The following SAMD11 variants were observed in gnomAD, a reference collection of about 807,000 sequenced individuals.
The protein encoded by SAMD11 is sterile alpha motif domain containing 11.
Under a neutral mutation model 64.4 loss-of-function variants are expected in SAMD11, and 77 were observed. That is an observed-to-expected ratio of 1.20 (90% confidence interval 0.99 to 1.44). SAMD11 has a LOEUF of 1.44. Among genes scored for constraint, SAMD11 ranks in the 40% most tolerant of loss-of-function variants. SAMD11 has a pLI of 0.00. For missense variants in SAMD11, 1,402 were observed against 943.3 expected (o/e 1.49, Z -6.37); for synonymous variants, 658 against 421.9 (o/e 1.56, Z -6.86).
chr1:926,938 G>A (rs1434198410), intron 2 of SAMD11, among the ~76,000 whole-genome samples: 1 of 152,166 alleles, frequency 6.6e-6, no homozygotes, highest in Non-Finnish European at 1.5e-5. Context: ...CCGCTTGCCT[G>A]CTTTGGGCCT....
intron 4 of SAMD11, among the ~76,000 whole-genome samples, chr1:931,501 G>A (rs115815685): frequency 1.3e-3 from 191 of 152,340 alleles, no homozygotes; most frequent in African/African-American, 4.3e-3. Context: ...GCCCTGAAGG[G>A]TGTGTAGGAG....
chr1:931,194 C>T, intron 4 of SAMD11, 105 bp downstream of exon 4: 1 of 1,045,352 alleles, frequency 9.6e-7, no homozygotes, highest in South Asian at 1.3e-5. Flanking sequence ...TCAGCGTGAG[C>T]TGATGCTGTG....
intron 2 of SAMD11, among the ~76,000 whole-genome samples, chr1:927,474 C>G (rs1167649429): frequency 6.6e-6 from 1 of 152,188 alleles, no homozygotes; most frequent in Non-Finnish European, 1.5e-5. Flanking sequence ...GGTCCCTGCC[C>G]TGCGTGAGGG....
chr1:928,177 A>C (rs1484597282), intron 2 of SAMD11, among the ~76,000 whole-genome samples: 2 of 152,110 alleles, frequency 1.3e-5, no homozygotes, highest in East Asian at 1.9e-4. Context: ...GCGGATCACG[A>C]GGTCAGGAGA....
chr1:943,434 T>C (rs1012011744), intron 12 of SAMD11, 57 bp downstream of exon 12: 1 of 1,408,254 alleles, frequency 7.1e-7, no homozygotes, highest in Non-Finnish European at 9.6e-7. Flanking sequence ...AGTCACTACC[T>C]CCCTGGAAAG....
intron 5 of SAMD11, among the ~76,000 whole-genome samples, 176 bp downstream of exon 5, chr1:936,072 G>T (rs548003874): frequency 6.6e-6 from 1 of 152,234 alleles, no homozygotes; most frequent in Non-Finnish European, 1.5e-5. Flanking sequence ...GGGGCAGACA[G>T]GAGGCAGAGG....
rs201694631 is a variant in SAMD11, at chr1:939,351, G to A, written c.1134G>A (p.Leu378=). 6.2e-7 allele frequency: 1 copy of A among 1,611,974 alleles called. No homozygotes were observed. Among genetic ancestry groups the A allele is most frequent in the African/African-American group, 1.3e-5 (1 of 74,480 alleles). Residue 378 remains leucine, a synonymous_variant, in exon 7 of 14, where the codon CTG becomes CTA. Transcript: ENST00000616016. The stretch of plus-strand genomic sequence containing the variant: ...ATTACCGCCGGCTTGTGTCAGCACT[G>A]AGCGAGGCCAGCACCTTTGAGGACC... The part of the protein sequence containing the change: ...EDHYRRLVSA[L]SEASTFEDPQ...
At chr1:929,634 G>T (rs763106485) in intron 2 of SAMD11, among the ~76,000 whole-genome samples, 4 of 152,236 alleles carry the variant, frequency 2.6e-5, no homozygotes, top group Non-Finnish European at 5.9e-5. Flanking sequence ...GGGAACGTGC[G>T]CATTTGAGTG....
rs562450062 is a variant in SAMD11, at chr1:931,303, C to T, written c.842+214C>T. ...GCACCCAGTTGGGACTGAGGGACCCCAGACCCAGTCAGATGCAGCTCTCGG... is the reference window on the plus strand; with the variant it reads ...GCACCCAGTTGGGACTGAGGGACCCTAGACCCAGTCAGATGCAGCTCTCGG... On this transcript the variant is annotated intron_variant, in intron 4 of 13. Coordinates refer to ENST00000616016, the MANE Select transcript of SAMD11 (RefSeq NM_001385641.1). Among the ~76,000 whole-genome samples the T allele has an allele frequency of 3.7e-4, 56 of 152,338 alleles. 1 individual carries two copies. Among genetic ancestry groups the T allele is most frequent in the African/African-American group, 1.3e-3 (55 of 41,578 alleles).
At chr1:941,616 A>AGG (rs767092215) in intron 8 of SAMD11, among the ~76,000 whole-genome samples, 1 of 151,614 alleles carries the variant, frequency 6.6e-6, no homozygotes, top group African/African-American at 2.4e-5. Context: ...CTGGAGGCGG[A>AGG]GGGGGGGTCC....
chr1:943,653 T>C, intron 12 of SAMD11, 45 bp from the exon 13 acceptor site: 7 of 1,477,178 alleles, frequency 4.7e-6, no homozygotes, highest in Non-Finnish European at 6.3e-6. Flanking sequence ...GGCTGGAGGA[T>C]GGAGCAGCAC....
rs570731716 is a variant in SAMD11 at position 928,158 on chromosome 1, C to T, written c.610-1997C>T. 5.7e-3 allele frequency among the ~76,000 whole-genome samples: 873 copies of T among 152,352 alleles called. 4 individuals carry two copies. Among genetic ancestry groups the T allele is most frequent in the Non-Finnish European group, 9.7e-3 (657 of 68,028 alleles). The stretch of plus-strand genomic sequence containing the variant: ...CCTGTAATCCCAGCACTTTGGGAGG[C>T]CGAGGCGGGCGGATCACGAGGTCAG... On this transcript the variant is annotated intron_variant, in intron 2 of 13. Transcript: ENST00000616016.
At chr1:935,071 A>G (rs1391031755) in intron 4 of SAMD11, among the ~76,000 whole-genome samples, 1 of 152,108 alleles carries the variant, frequency 6.6e-6, no homozygotes, top group Non-Finnish European at 1.5e-5. Context: ...GCCGTGCTCC[A>G]CACAGTTCGT....
chr1:931,140 C>A, intron 4 of SAMD11, 51 bp downstream of exon 4: 1 of 1,393,322 alleles, frequency 7.2e-7, no homozygotes, highest in South Asian at 1.2e-5. Context: ...TCCCCTCCCT[C>A]CCTCCCACCC....
intron 5 of SAMD11, among the ~76,000 whole-genome samples, chr1:938,016 T>C (rs1340146078): frequency 6.6e-6 from 1 of 151,124 alleles, no homozygotes; most frequent in Non-Finnish European, 1.5e-5. Context: ...CACAGGGGAG[T>C]GGCCCCTCAC....
rs762511004 is a variant in SAMD11, at chr1:930,303, AGGATGG to A, written c.759_764del (p.Glu253_Gly255delinsAsp). On this transcript the variant is annotated inframe_deletion, in exon 3 of 14. Transcript: ENST00000616016. ...GGGCGGCGGCCAGGCTTGAAGCAGG[AGGATGG>A]TCCGCACATCCGTATCATGAAGAGA... The A allele has an allele frequency of 8.1e-6, 13 of 1,608,276 alleles. No homozygotes were observed. The highest frequency in any genetic ancestry group is 1.3e-5 in the African/African-American group (1 of 74,858).
At chr1:943,181 C>T (rs1169456561) in intron 11 of SAMD11, 72 bp from the exon 12 acceptor site, 27 of 1,604,214 alleles carry the variant, frequency 1.7e-5, no homozygotes, top group East Asian at 2.2e-5. Flanking sequence ...GCAATTGGGG[C>T]ACACGACGGT....
rs943231942 is a variant in SAMD11 at position 925,378 on chromosome 1, G to A, written c.517+430G>A. Among the ~76,000 whole-genome samples the A allele has an allele frequency of 1.6e-4, 23 of 145,768 alleles. 1 individual carries two copies. The highest frequency in any genetic ancestry group is 1.4e-3 in the Admixed American group (20 of 14,702). On this transcript the variant is annotated intron_variant, in intron 1 of 13. Transcript: ENST00000616016. The stretch of plus-strand genomic sequence containing the variant: ...CGGCGCGGGGGCGCGCGCGGAGCCC[G>A]AGCGGCGGCGCCAGGTCACACAACC...
Position 939,133 on chromosome 1 carries a change from A to G in SAMD11, c.1057+4A>G. 6.3e-7 allele frequency: 1 copy of G among 1,583,916 alleles called. No homozygotes were observed. Among genetic ancestry groups the G allele is most frequent in the Admixed American group, 1.8e-5 (1 of 55,332 alleles). ...GCACGAAGCGAATCGCCTCAAGGTA[A>G]GAGCGTGGCTGGGACGAGAGACAGG... On this transcript the variant is annotated splice_donor_region_variant and intron_variant, in intron 6 of 13. Transcript: ENST00000616016.
Sources: allele counts gnomAD v4.1 joint callset (sites outside exome capture counted in the v4.1 genomes callset), GRCh38; gene constraint gnomAD v4.1.1; transcripts MANE v1.5; gene names NCBI Gene and HGNC (gene_info 2026-07-23, HGNC 2026-07-21).